Variants in PPP1R16A observed in about 807,000 individuals in gnomAD.
The protein encoded by PPP1R16A is protein phosphatase 1 regulatory subunit 16A, also known as myosin phosphatase-targeting subunit 3.
A neutral mutation model predicts 46.6 loss-of-function variants in PPP1R16A; 39 were observed. That is an observed-to-expected ratio of 0.84 (90% CI 0.65 to 1.09). The LOEUF (loss-of-function observed/expected upper bound fraction) is 1.09, where lower values mean the gene tolerates loss of function less well. PPP1R16A is among the 50% of genes least tolerant of loss of function. PPP1R16A has a pLI of 0.00. For missense variants in PPP1R16A, 798 were observed against 735.6 expected (o/e 1.08, Z -0.98); for synonymous variants, 413 against 321.5 (o/e 1.28, Z -3.04).
rs375880524 is a variant in PPP1R16A, at chr8:144,499,033, C to G, written c.448C>G (p.Leu150Val). ...GCATGCTGCGGCCACCTGCGGCCAC[C>G]TGCACCTGGTGGAGCTGCTCATCGC... is the stretch of plus-strand genomic sequence containing the variant. ...PLHAAATCGH[L>V]HLVELLIASG... Residue 150 changes from leucine to valine, a missense_variant, in exon 5 of 12, where the codon CTG (leucine) becomes GTG (valine). Transcript: ENST00000435887. 1.9e-6 allele frequency: 3 copies of G among 1,587,472 alleles called. No individual in the cohort carries two copies. Among genetic ancestry groups the G allele is most frequent in the South Asian group, 1.1e-5 (1 of 90,534 alleles).
At position 144,493,211 on chromosome 8, in the gene PPP1R16A, C is replaced by T. The variant is rs560296572; in HGVS notation, c.-735+2999C>T. ...CCAGTATCCTCCATGGGGCTCCTCCCGCCTGGGTCCCACACTCAGGCAGCT... is the reference window on the plus strand; with the variant it reads ...CCAGTATCCTCCATGGGGCTCCTCCTGCCTGGGTCCCACACTCAGGCAGCT... On this transcript the variant is annotated intron_variant, in intron 2 of 11. Coordinates refer to ENST00000435887, the MANE Select transcript of PPP1R16A (RefSeq NM_001329443.2). This position sits in a 1 kb window ranked among gnomAD's most constrained non-coding sequence, Gnocchi z 4.3. Among the ~76,000 whole-genome samples the T allele has an allele frequency of 1.4e-4, 22 of 152,226 alleles. No homozygotes were observed. In the East Asian group the frequency reaches 4.1e-3, roughly 28 times the overall value.
chr8:144,498,211 TG>T (rs1826193786), intron 3 of PPP1R16A: 1 of 394,348 alleles, frequency 2.5e-6, no homozygotes, highest in African/African-American at 2.1e-5. Flanking sequence ...CAGGGAGCTG[TG>T]GGAAGGTGGG....
At position 144,500,947 on chromosome 8, in the gene PPP1R16A, G is replaced by A. The variant is rs1015835201; in HGVS notation, c.1013G>A (p.Arg338His). 4 of 1,494,818 alleles carry A rather than the reference G, an allele frequency of 2.7e-6. No homozygotes were observed. Among genetic ancestry groups the A allele is most frequent in the African/African-American group, 1.5e-5 (1 of 68,460 alleles). The allele number at this position is 1,494,818 out of a possible 1,614,324, so 92.6% of individuals were successfully genotyped here. ...QSRQRSLLRR[R>H]TSSAGSRGKV... is the part of the protein sequence containing the mutation. ...CGCCAGCGCTCCTTGCTGCGCCGCCGCACCTCCAGCGCCGGCAGCCGCGGG... is the reference window on the plus strand; with the variant it reads ...CGCCAGCGCTCCTTGCTGCGCCGCCACACCTCCAGCGCCGGCAGCCGCGGG... The change falls in exon 10 of 12, where the codon CGC becomes CAC. Residue 338 changes from arginine to histidine, a missense_variant. Physicochemically the swap from Arg to His is conservative, Grantham distance 29 (BLOSUM62 0). Coordinates refer to ENST00000435887, the MANE Select transcript of PPP1R16A (RefSeq NM_001329443.2).
chr8:144,482,075 TGCCGCC>T (rs59209733), intron 1 of PPP1R16A, among the ~76,000 whole-genome samples: 29 of 151,094 alleles, frequency 1.9e-4, no homozygotes, highest in African/African-American at 2.2e-4. Context: ...TGTGCCCGGC[TGCCGCC>T]GCCGCCGCCG....
At chr8:144,498,663 T>C (rs1826228188) in intron 3 of PPP1R16A, 107 bp from the exon 4 acceptor site, 8 of 1,131,426 alleles carry the variant, frequency 7.1e-6, no homozygotes. Context: ...CCTCCTGCCA[T>C]CGGCACCACT....
rs1423696225 is a variant in PPP1R16A at position 144,493,184 on chromosome 8, GCC to G, written c.-735+2974_-735+2975del. 2.0e-5 allele frequency among the ~76,000 whole-genome samples: 3 copies of G among 152,134 alleles called. No homozygotes were observed. The highest frequency in any genetic ancestry group is 2.0e-4 in the Admixed American group (3 of 15,280). On this transcript the variant is annotated intron_variant, in intron 2 of 11. Transcript: ENST00000435887. This position sits in a 1 kb window ranked among gnomAD's most constrained non-coding sequence, Gnocchi z 4.3. ...ACGGTGGGTGGGGGTCGGGGACAGT[GCC>G]CAGTATCCTCCATGGGGCTCCTCCC...
chr8:144,500,585 G>A lies in PPP1R16A; in HGVS notation c.804G>A (p.Pro268=). The A allele has an allele frequency of 1.3e-6, 2 of 1,599,126 alleles. No individual in the cohort carries two copies. Among genetic ancestry groups the A allele is most frequent in the Non-Finnish European group, 1.7e-6 (2 of 1,179,050 alleles). Residue 268 remains proline, a synonymous_variant, in exon 8 of 12, where the codon CCG becomes CCA. Coordinates refer to ENST00000435887, the MANE Select transcript of PPP1R16A (RefSeq NM_001329443.2). ...LSAKDQDGWE[P]LHAAAYWGQV... ...CTAAGGACCAAGACGGCTGGGAGCC[G>A]CTGCACGCCGCGGCCTACTGGGGCC...
chr8:144,501,336 C>T (rs1342716810), intron 11 of PPP1R16A, 42 bp downstream of exon 11: 2 of 1,534,828 alleles, frequency 1.3e-6, no homozygotes, highest in Non-Finnish European at 1.7e-6. Flanking sequence ...AGGGGTGGGC[C>T]TGGCTCTGCC....
intron 1 of PPP1R16A, among the ~76,000 whole-genome samples, chr8:144,485,565 A>C (rs987531483): frequency 6.6e-6 from 1 of 152,112 alleles, no homozygotes; most frequent in Non-Finnish European, 1.5e-5. Context: ...TAAATAAAAA[A>C]AGAAAAGAGA....
At chr8:144,488,289 T>G (rs1235404788) in intron 1 of PPP1R16A, among the ~76,000 whole-genome samples, 1 of 151,808 alleles carries the variant, frequency 6.6e-6, no homozygotes, top group Non-Finnish European at 1.5e-5. Flanking sequence ...CCAGGGAATT[T>G]GCTTTGTCTG....
intron 1 of PPP1R16A, among the ~76,000 whole-genome samples, chr8:144,486,998 G>GT (rs976007563): frequency 3.9e-5 from 6 of 152,042 alleles, no homozygotes; most frequent in South Asian, 2.1e-4. Context: ...CTTTTCTTCT[G>GT]TTTTTTTGTT....
intron 10 of PPP1R16A, 61 bp from the exon 11 acceptor site, chr8:144,501,068 G>T (rs764620727): frequency 1.3e-6 from 2 of 1,565,198 alleles, no homozygotes; most frequent in African/African-American, 1.4e-5. Context: ...AGTCCGAGGG[G>T]GTGGGCGGGG....
chr8:144,483,309 T>C (rs1238899275), intron 1 of PPP1R16A, among the ~76,000 whole-genome samples: 2 of 152,230 alleles, frequency 1.3e-5, no homozygotes, highest in Non-Finnish European at 1.5e-5. Context: ...GTTCAAAGGC[T>C]TTCCTCCTGT....
intron 3 of PPP1R16A, chr8:144,497,866 C>T (rs1169160206): frequency 8.2e-6 from 3 of 367,316 alleles, no homozygotes; most frequent in Non-Finnish European, 1.6e-5. Flanking sequence ...TAGGGTGGGA[C>T]CAGCCACCTC....
At chr8:144,484,738 A>G (rs1281327290) in intron 1 of PPP1R16A, among the ~76,000 whole-genome samples, 6 of 152,234 alleles carry the variant, frequency 3.9e-5, no homozygotes, top group Admixed American at 6.5e-5. Context: ...GCTCATGGTT[A>G]GCGGGCCAGT....
Position 144,500,600 on chromosome 8 carries a change from C to G in PPP1R16A, c.819C>G (p.Ala273=), listed in dbSNP as rs758536748. 1 of 1,600,596 alleles carries G rather than the reference C, an allele frequency of 6.2e-7. No homozygotes were observed. Among genetic ancestry groups the G allele is most frequent in the Non-Finnish European group, 8.5e-7 (1 of 1,179,044 alleles). ...QDGWEPLHAA[A]YWGQVPLVEL... ...GCTGGGAGCCGCTGCACGCCGCGGCCTACTGGGGCCAGGTGAGTGCGGGCG... is the reference window on the plus strand; with the variant it reads ...GCTGGGAGCCGCTGCACGCCGCGGCGTACTGGGGCCAGGTGAGTGCGGGCG... Residue 273 remains alanine, a synonymous_variant, in exon 8 of 12, where the codon GCC becomes GCG. Transcript: ENST00000435887.
intron 1 of PPP1R16A, 131 bp downstream of exon 1, chr8:144,478,258 A>G (rs1586731916): frequency 2.7e-6 from 1 of 376,552 alleles, no homozygotes; most frequent in Non-Finnish European, 4.6e-6. Flanking sequence ...CGGGCCGGGG[A>G]AGGATGAGGC....
intron 1 of PPP1R16A, among the ~76,000 whole-genome samples, chr8:144,484,999 T>C (rs1825581605): frequency 6.6e-6 from 1 of 152,052 alleles, no homozygotes; most frequent in Admixed American, 6.6e-5. Context: ...GGTGCGTGGC[T>C]CACGCCTGTC....
At chr8:144,481,537 G>A (rs908079983) in intron 1 of PPP1R16A, among the ~76,000 whole-genome samples, 3 of 151,814 alleles carry the variant, frequency 2.0e-5, no homozygotes, top group Non-Finnish European at 2.9e-5. Context: ...CCAGCTACTC[G>A]GGAGGCTGAG....
Sources: allele counts gnomAD v4.1 joint callset (sites outside exome capture counted in the v4.1 genomes callset), GRCh38; gene constraint gnomAD v4.1.1; non-coding constraint Gnocchi (gnomAD v3.1); transcripts MANE v1.5; gene names NCBI Gene and HGNC (gene_info 2026-07-23, HGNC 2026-07-21).